AIFM2: variants seen among roughly 807,000 people sequenced by gnomAD.
AIFM2 encodes the protein ferroptosis suppressor protein 1.
In AIFM2, 38 loss-of-function variants were observed where a neutral mutation model predicts 35.7. The ratio of observed to expected loss-of-function variants is 1.06; its 90% CI spans 0.82 to 1.39. AIFM2 has a LOEUF of 1.39. Ranked by LOEUF, AIFM2 falls within the 40% of genes most tolerant of loss-of-function variation. The probability of loss-of-function intolerance (pLI) is 0.00; values close to 1 mark genes in which losing one functional copy is unlikely to be tolerated. For synonymous variants in AIFM2, 185 were observed against 203.5 expected, an observed-to-expected ratio of 0.91 and a Z score of 0.77; for missense variants, 476 against 491.2, an observed-to-expected ratio of 0.97 and a Z score of 0.29.
chr10:70,120,411 C>T (rs1292265439), intron 5 of AIFM2, 96 bp downstream of exon 5: 18 of 1,260,614 alleles, frequency 1.4e-5, no homozygotes, highest in Admixed American at 3.4e-5. Context: ...AATAGAGCTC[C>T]AGACTTCTCT....
intron 8 of AIFM2, 95 bp from the exon 9 acceptor site, chr10:70,114,424 A>T: frequency 6.7e-7 from 1 of 1,485,182 alleles, no homozygotes; most frequent in Non-Finnish European, 9.1e-7. Flanking sequence ...CTTCAGACTC[A>T]GGGCCGGAAA....
chr10:70,120,941 C>A, intron 4 of AIFM2, 151 bp downstream of exon 4: 1 of 1,366,892 alleles, frequency 7.3e-7, no homozygotes, highest in East Asian at 2.3e-5. Flanking sequence ...GGTCTCTTCC[C>A]AGGAAAGTCT....
intron 1 of AIFM2, among the ~76,000 whole-genome samples, chr10:70,126,017 A>AGACAGAGGAGGG (rs2136665021): frequency 6.6e-6 from 1 of 152,336 alleles, no homozygotes; most frequent in East Asian, 1.9e-4. Context: ...AGTCTGCCCC[A>AGACAGAGGAGGG]GACAGAGGAG....
intron 1 of AIFM2, among the ~76,000 whole-genome samples, chr10:70,129,510 C>T (rs1189204370): frequency 2.0e-5 from 3 of 152,066 alleles, no homozygotes; most frequent in African/African-American, 4.8e-5. Flanking sequence ...ATGATTACAG[C>T]AGTTAGCATC....
Position 70,130,617 on chromosome 10 carries a change from G to A in AIFM2, c.-14+2117C>T, listed in dbSNP as rs183356393. Among the ~76,000 whole-genome samples, 866 of 152,224 alleles carry A rather than the reference G, an allele frequency of 5.7e-3. 14 individuals are homozygous for A. The highest frequency in any genetic ancestry group is 0.02 in the African/African-American group (821 of 41,514). On this transcript the variant is annotated intron_variant, in intron 1 of 8. Transcript: ENST00000307864. ...TCCACCTTTTGACTATGTGAATAAC[G>A]CCACTATGAACATTTGTGTACAGGT...
rs1589846653 is a variant in AIFM2 at position 70,117,643 on chromosome 10, A to T, written c.616+169T>A. On this transcript the variant is annotated intron_variant, in intron 6 of 8. Coordinates refer to ENST00000307864, the MANE Select transcript of AIFM2 (RefSeq NM_032797.6). The surrounding 1 kb of genome is among the most constrained non-coding windows in gnomAD (Gnocchi z 4.7). Reference sequence around the variant, plus strand: ...CTGGACAAGGCTCAGATGGGCTTTGATGTTCACGGCCTCTTCTGAGCGCTT... The same window carrying T: ...CTGGACAAGGCTCAGATGGGCTTTGTTGTTCACGGCCTCTTCTGAGCGCTT... 6.6e-6 allele frequency among the ~76,000 whole-genome samples: 1 copy of T among 152,166 alleles called. No individual in the cohort carries two copies. Among genetic ancestry groups the T allele is most frequent in the East Asian group, 1.9e-4 (1 of 5,194 alleles).
chr10:70,119,172 C>T (rs1047461778), intron 5 of AIFM2, among the ~76,000 whole-genome samples: 12 of 152,222 alleles, frequency 7.9e-5, no homozygotes, highest in African/African-American at 1.9e-4. Context: ...TTCTAGACCA[C>T]GCCCTATGTG....
chr10:70,117,817 A>G lies in AIFM2; in HGVS notation c.611T>C (p.Leu204Pro). The change falls in exon 6 of 9, where the codon CTG becomes CCG. Residue 204 changes from leucine (L) to proline (P), a missense_variant. Physicochemically the swap from Leu to Pro is moderately conservative, Grantham distance 98. Coordinates refer to ENST00000307864, the MANE Select transcript of AIFM2 (RefSeq NM_032797.6). This position sits in a 1 kb window ranked among gnomAD's most constrained non-coding sequence, Gnocchi z 4.7. ...GGAGGTGAGGGTGCACGTACTCAGC[A>G]GCAGCTGCACGCCCTTCCGGAGGAG... ...EILLRKGVQL[L>P]LSERVSNLEE... 1 of 1,605,162 alleles carries G rather than the reference A, an allele frequency of 6.2e-7. No homozygotes were observed. The highest frequency in any genetic ancestry group is 8.5e-7 in the Non-Finnish European group (1 of 1,176,446).
chr10:70,119,299 A>C (rs987088590), intron 5 of AIFM2, among the ~76,000 whole-genome samples: 1 of 152,202 alleles, frequency 6.6e-6, no homozygotes, highest in African/African-American at 2.4e-5. Flanking sequence ...TATTTAACCC[A>C]AGGAGAGAGT....
intron 3 of AIFM2, 46 bp from the exon 4 acceptor site, chr10:70,121,257 AG>A: frequency 8.0e-7 from 1 of 1,247,890 alleles, no homozygotes; most frequent in Non-Finnish European, 1.0e-6. Context: ...AAAAAAGATG[AG>A]GGTAGGGCAG....
intron 1 of AIFM2, among the ~76,000 whole-genome samples, chr10:70,127,788 G>A (rs2072585141): frequency 1.3e-5 from 2 of 152,236 alleles, no homozygotes; most frequent in Non-Finnish European, 2.9e-5. Flanking sequence ...CCCTGTGAAG[G>A]GCCTGGGGCC....
intron 1 of AIFM2, among the ~76,000 whole-genome samples, chr10:70,125,284 T>C (rs929870836): frequency 1.3e-5 from 2 of 151,980 alleles, no homozygotes; most frequent in Non-Finnish European, 2.9e-5. Context: ...TATGCTACAA[T>C]GCCTGGCTAA....
intron 3 of AIFM2, among the ~76,000 whole-genome samples, chr10:70,122,834 C>T (rs985973574): frequency 2.6e-5 from 4 of 152,128 alleles, no homozygotes; most frequent in Admixed American, 1.3e-4. Context: ...ATACCACCTT[C>T]GCCATAGAGG....
At chr10:70,132,420 G>C (rs934192730) in intron 1 of AIFM2, among the ~76,000 whole-genome samples, 1 of 152,186 alleles carries the variant, frequency 6.6e-6, no homozygotes, top group Non-Finnish European at 1.5e-5. Context: ...CCTCTTCCCC[G>C]GTTCGCCCTT....
rs772614009 is a variant in AIFM2 at position 70,117,914 on chromosome 10, G to C, written c.514C>G (p.Leu172Val). The C allele has an allele frequency of 1.2e-6, 2 of 1,608,294 alleles. No individual in the cohort carries two copies. The highest frequency in any genetic ancestry group is 1.3e-5 in the African/African-American group (1 of 74,486). Residue 172 changes from leucine to valine, a missense_variant, in exon 6 of 9, where the codon CTC (leucine) becomes GTC (valine). Coordinates refer to ENST00000307864, the MANE Select transcript of AIFM2 (RefSeq NM_032797.6). This position sits in a 1 kb window ranked among gnomAD's most constrained non-coding sequence, Gnocchi z 4.7. ...KTEYPEKEVT[L>V]IHSQVALADK... Reference sequence around the variant, plus strand: ...GCCAGGGCCACTTGGGAGTGAATGAGAGTGACCTGAGGACAAAACGACCAC... The same window carrying C: ...GCCAGGGCCACTTGGGAGTGAATGACAGTGACCTGAGGACAAAACGACCAC...
At chr10:70,121,299 C>T (rs2072502941) in intron 3 of AIFM2, 88 bp from the exon 4 acceptor site, 5 of 1,407,738 alleles carry the variant, frequency 3.6e-6, no homozygotes, top group Non-Finnish European at 4.6e-6. Flanking sequence ...CTGCATCCTA[C>T]TCCCGGCCTG....
intron 1 of AIFM2, among the ~76,000 whole-genome samples, chr10:70,127,529 G>A (rs997993098): frequency 2.0e-5 from 3 of 152,174 alleles, no homozygotes; most frequent in African/African-American, 4.8e-5. Flanking sequence ...GACAGGGGCC[G>A]ACAGACAGAC....
At chr10:70,116,307 C>G (rs930563981) in intron 7 of AIFM2, among the ~76,000 whole-genome samples, 4 of 152,234 alleles carry the variant, frequency 2.6e-5, no homozygotes, top group Non-Finnish European at 5.9e-5. Context: ...TGAATTTCCT[C>G]TGTCCTCAGG....
chr10:70,126,084 C>T (rs938232493), intron 1 of AIFM2, among the ~76,000 whole-genome samples: 1 of 152,216 alleles, frequency 6.6e-6, no homozygotes, highest in Non-Finnish European at 1.5e-5. Context: ...CCAGCAGAAC[C>T]CCAAATTAGG....
Sources: gnomAD v4.1 joint callset for allele counts (sites outside exome capture counted in the v4.1 genomes callset) on GRCh38, gnomAD v4.1.1 for gene constraint, Gnocchi (gnomAD v3.1) non-coding constraint, MANE v1.5 for transcripts, NCBI Gene and HGNC (gene_info 2026-07-23, HGNC 2026-07-21) for gene names.